CRLF3: variants seen among roughly 807,000 people sequenced by gnomAD.
CRLF3 encodes cytokine receptor-like factor 3.
Under a neutral mutation model 55.0 loss-of-function variants are expected in CRLF3, and 33 were observed. That is an observed-to-expected ratio of 0.60 (90% CI 0.46 to 0.80). The LOEUF (loss-of-function observed/expected upper bound fraction) is 0.80. Among genes scored for constraint, CRLF3 ranks in the 30% least tolerant of loss-of-function variants. The pLI is 0.00. For synonymous variants in CRLF3, 238 were observed against 196.8 expected (o/e 1.21, Z -1.75); for missense variants, 494 against 538.4 (o/e 0.92, Z 0.82).
intron 1 of CRLF3, among the ~76,000 whole-genome samples, chr17:30,816,488 C>CTTTTTTTTTTT (rs1183953028): frequency 6.8e-5 from 8 of 117,460 alleles, no homozygotes; most frequent in Non-Finnish European, 1.3e-4. Context: ...TTCTTTCTTT[C>CTTTTTTTTTTT]TTTTTTTTTT....
chr17:30,784,536 T>G, intron 7 of CRLF3, 93 bp from the exon 8 acceptor site: 1 of 1,143,168 alleles, frequency 8.7e-7, no homozygotes, highest in Non-Finnish European at 1.3e-6. Context: ...GCTCATTTCC[T>G]AATTCAGATT....
intron 2 of CRLF3, among the ~76,000 whole-genome samples, chr17:30,798,906 T>G (rs1022081578): frequency 6.6e-6 from 1 of 152,112 alleles, no homozygotes; most frequent in South Asian, 2.1e-4. Flanking sequence ...CTCAGGAGAA[T>G]AGGAAAGAGT....
chr17:30,820,921 G>A (rs1455244148), intron 1 of CRLF3, among the ~76,000 whole-genome samples: 3 of 151,802 alleles, frequency 2.0e-5, no homozygotes, highest in Admixed American at 2.0e-4. Context: ...CAGGTGTGGT[G>A]GTGTGTACCT....
intron 6 of CRLF3, among the ~76,000 whole-genome samples, chr17:30,786,998 C>T (rs1031329870): frequency 6.6e-6 from 1 of 152,120 alleles, no homozygotes; most frequent in Non-Finnish European, 1.5e-5. Context: ...CCACACCTGG[C>T]CTAATTTTGT....
At chr17:30,815,644 A>C (rs1225522203) in intron 1 of CRLF3, among the ~76,000 whole-genome samples, 1 of 150,410 alleles carries the variant, frequency 6.6e-6, no homozygotes, top group Non-Finnish European at 1.5e-5. Flanking sequence ...CCCAGGTTCA[A>C]GTAATTCTCT....
chr17:30,791,528 T>G (rs1971801312), intron 6 of CRLF3, among the ~76,000 whole-genome samples: 2 of 150,286 alleles, frequency 1.3e-5, no homozygotes, highest in Non-Finnish European at 3.0e-5. Flanking sequence ...AAAATTTTTT[T>G]TTTTTTTGAA....
intron 2 of CRLF3, among the ~76,000 whole-genome samples, chr17:30,799,914 C>A (rs1044761413): frequency 6.6e-6 from 1 of 152,118 alleles, no homozygotes; most frequent in Non-Finnish European, 1.5e-5. Context: ...GCAAAGCCAC[C>A]AAGGAAAGAC....
chr17:30,816,688 C>T (rs1490983511), intron 1 of CRLF3, among the ~76,000 whole-genome samples: 2 of 151,786 alleles, frequency 1.3e-5, no homozygotes, highest in Non-Finnish European at 2.9e-5. Flanking sequence ...TGGGGGTCTC[C>T]CTATATTGCC....
chr17:30,802,747 C>T (rs1972027966), intron 2 of CRLF3, among the ~76,000 whole-genome samples: 1 of 152,004 alleles, frequency 6.6e-6, no homozygotes, highest in Non-Finnish European at 1.5e-5. Context: ...ATGTGCCTGA[C>T]AAAGATCTCT....
rs1177910376 is a variant in CRLF3, at chr17:30,824,601, G to C, written c.51C>G (p.Arg17=). ...AGCTCTGCGCTGCCTCCACGTTCTC[G>C]CGGGCCTCCTGCAACAGCAGCTCAG... is the stretch of plus-strand genomic sequence containing the variant. ...LEPELLLQEA[R]ENVEAAQSYR... is the part of the protein sequence containing the mutation. The change falls in exon 1 of 8, where the codon CGC becomes CGG. Residue 17 remains arginine (R), a synonymous_variant. Transcript: ENST00000324238. The C allele has an allele frequency of 6.2e-7, 1 of 1,605,128 alleles. No homozygotes were observed. The highest frequency in any genetic ancestry group is 8.5e-7 in the Non-Finnish European group (1 of 1,179,098).
chr17:30,800,837 C>T (rs1302483432), intron 2 of CRLF3, among the ~76,000 whole-genome samples: 5 of 149,176 alleles, frequency 3.4e-5, no homozygotes, highest in Non-Finnish European at 7.4e-5. Flanking sequence ...TGCCATAGCA[C>T]GATCTAGGCT....
At position 30,783,024 on chromosome 17, in the gene CRLF3, T is replaced by A. The variant is rs772739466; in HGVS notation, c.*1163A>T. On this transcript the variant is annotated 3_prime_UTR_variant, in exon 8 of 8. Coordinates refer to ENST00000324238, the MANE Select transcript of CRLF3 (RefSeq NM_015986.4). ...TTACACACAAATTTAAGTAAGTTTT[T>A]AAAAAAAATAAGTATTTACGCTATA... is the stretch of plus-strand genomic sequence containing the variant. The A allele has an allele frequency of 2.6e-5, 4 of 152,026 alleles. No homozygotes were observed. The highest frequency in any genetic ancestry group is 2.1e-4 in the South Asian group (1 of 4,822). 9.4% of individuals were successfully genotyped at this position (152,026 alleles called of 1,614,324 possible).
intron 1 of CRLF3, among the ~76,000 whole-genome samples, chr17:30,808,066 A>G (rs994212461): frequency 6.6e-6 from 1 of 152,098 alleles, no homozygotes. Flanking sequence ...CCTCATCTAC[A>G]TAGCATCTGG....
At chr17:30,814,157 T>C (rs1365075479) in intron 1 of CRLF3, among the ~76,000 whole-genome samples, 1 of 152,098 alleles carries the variant, frequency 6.6e-6, no homozygotes, top group African/African-American at 2.4e-5. Flanking sequence ...CTCGGGAGGA[T>C]GAGACAGAAG....
At chr17:30,794,706 G>T (rs985267531) in intron 4 of CRLF3, among the ~76,000 whole-genome samples, 2 of 152,216 alleles carry the variant, frequency 1.3e-5, no homozygotes, top group African/African-American at 2.4e-5. Context: ...GCTGAGGCGG[G>T]AGGATCACTT....
chr17:30,790,921 T>A (rs1971784420), intron 6 of CRLF3: 1 of 151,736 alleles, frequency 6.6e-6, no homozygotes, highest in South Asian at 2.1e-4. Flanking sequence ...CGGCCTATGC[T>A]TTTTTTCTTT....
At chr17:30,813,524 C>T (rs1418874856) in intron 1 of CRLF3, among the ~76,000 whole-genome samples, 1 of 151,982 alleles carries the variant, frequency 6.6e-6, no homozygotes, top group Non-Finnish European at 1.5e-5. Context: ...CAGGGGATGT[C>T]ACCTTGAATA....
In CRLF3 at chr17:30,800,367, G is replaced by A. The variant is rs1345129687; in HGVS notation, c.338-2969C>T. On this transcript the variant is annotated intron_variant, in intron 2 of 7. Coordinates refer to ENST00000324238, the MANE Select transcript of CRLF3 (RefSeq NM_015986.4). ...GATCTCTCTCCTAAGAATCATACCC[G>A]TATTTCCATCTTAAGCACCTCAAAC... 2.0e-5 allele frequency among the ~76,000 whole-genome samples: 3 copies of A among 151,960 alleles called. No individual in the cohort carries two copies. In the South Asian group the frequency reaches 6.2e-4, roughly 31 times the overall value.
rs149373809 is a variant in CRLF3 at position 30,816,572 on chromosome 17, C to T, written c.129+7951G>A. Reference sequence around the variant, plus strand: ...TGGTGTGATCATGGCTTACTGCACCCTCAGCCTCCTGGGCTCAATAAATCC... The same window carrying T: ...TGGTGTGATCATGGCTTACTGCACCTTCAGCCTCCTGGGCTCAATAAATCC... On this transcript the variant is annotated intron_variant, in intron 1 of 7. Coordinates refer to ENST00000324238, the MANE Select transcript of CRLF3 (RefSeq NM_015986.4). Among the ~76,000 whole-genome samples, 928 of 150,418 alleles carry T rather than the reference C, an allele frequency of 6.2e-3. 14 individuals carry two copies. The highest frequency in any genetic ancestry group is 0.022 in the African/African-American group (886 of 40,816).
Sources: gnomAD v4.1 joint callset for allele counts (sites outside exome capture counted in the v4.1 genomes callset) on GRCh38, gnomAD v4.1.1 for gene constraint, MANE v1.5 for transcripts, NCBI Gene and HGNC (gene_info 2026-07-23, HGNC 2026-07-21) for gene names.